Variants in SLC9B1 observed in about 807,000 individuals in gnomAD.
SLC9B1 encodes solute carrier family 9 member B1, also known as sodium/hydrogen exchanger 9B1.
In SLC9B1, 32 loss-of-function variants were observed where a neutral mutation model predicts 51.7. The ratio of observed to expected loss-of-function variants is 0.62; its 90% CI spans 0.47 to 0.83. The LOEUF (loss-of-function observed/expected upper bound fraction) is 0.83. SLC9B1 is among the 40% of genes least tolerant of loss of function. The pLI, the probability that SLC9B1 is intolerant of heterozygous loss-of-function variation, is 0.00. For missense variants in SLC9B1, 406 were observed against 613.2 expected (o/e 0.66, Z 3.57); for synonymous variants, 145 against 212.7 (o/e 0.68, Z 2.77).
intron 3 of SLC9B1, among the ~76,000 whole-genome samples, chr4:102,950,285 T>G (rs915554919): frequency 5.3e-5 from 8 of 152,122 alleles, no homozygotes; most frequent in African/African-American, 1.9e-4. Flanking sequence ...AACCTAGATT[T>G]TGTGGGAATA....
At chr4:102,954,067 C>T (rs1233736663) in intron 3 of SLC9B1, among the ~76,000 whole-genome samples, 6 of 45,180 alleles carry the variant, frequency 1.3e-4, no homozygotes, top group Admixed American at 2.9e-4. Flanking sequence ...AAAGGGAATG[C>T]TTCCAGTTTT....
intron 3 of SLC9B1, among the ~76,000 whole-genome samples, chr4:102,978,405 C>G (rs998118593): frequency 1.3e-5 from 2 of 152,080 alleles, no homozygotes; most frequent in Admixed American, 1.3e-4. Flanking sequence ...AAAATTTTTG[C>G]AATCTACTCA....
At position 102,989,914 on chromosome 4, in the gene SLC9B1, G is replaced by T; in HGVS notation, c.97C>A (p.Gln33Lys). Residue 33 changes from glutamine to lysine, a missense_variant, in exon 3 of 12, where the codon CAG becomes AAG. By Grantham distance (53) the Gln-to-Lys change is moderately conservative. Coordinates refer to ENST00000296422, the MANE Select transcript of SLC9B1 (RefSeq NM_139173.4). ...QSLIDPNNTA[Q>K]EETKTVLSDT... ...GATAAGACAGTTTTAGTTTCTTCCT[G>T]TGCAGTATTATTAGGATCAATGAGA... The T allele has an allele frequency of 6.3e-7, 1 of 1,585,374 alleles. No homozygotes were observed. The highest frequency in any genetic ancestry group is 8.6e-7 in the Non-Finnish European group (1 of 1,159,042).
At chr4:102,965,071 G>A (rs914776479) in intron 3 of SLC9B1, among the ~76,000 whole-genome samples, 2 of 152,116 alleles carry the variant, frequency 1.3e-5, no homozygotes, top group African/African-American at 4.8e-5. Flanking sequence ...TAGCAAGTTT[G>A]TAGAGTATAT....
intron 11 of SLC9B1, chr4:102,889,734 GC>G (rs961643299): frequency 1.3e-5 from 2 of 152,132 alleles, no homozygotes; most frequent in African/African-American, 4.8e-5. Context: ...TTGGTAGTAA[GC>G]TGTTGCTTTA....
intron 3 of SLC9B1, among the ~76,000 whole-genome samples, chr4:102,950,016 C>T (rs1045223193): frequency 4.0e-5 from 6 of 151,894 alleles, no homozygotes; most frequent in Non-Finnish European, 8.8e-5. Context: ...AAAATGCTAA[C>T]CATTATAATA....
At chr4:102,996,003 G>T (rs952498320) in intron 1 of SLC9B1, among the ~76,000 whole-genome samples, 2 of 152,040 alleles carry the variant, frequency 1.3e-5, no homozygotes, top group South Asian at 4.1e-4. Flanking sequence ...TTTCAATATG[G>T]TCATATAACT....
chr4:103,000,555 T>A (rs1384721501), intron 1 of SLC9B1, among the ~76,000 whole-genome samples: 2 of 152,230 alleles, frequency 1.3e-5, no homozygotes, highest in African/African-American at 4.8e-5. Flanking sequence ...CTGTTCTAGA[T>A]GGGAGAAATT....
intron 3 of SLC9B1, among the ~76,000 whole-genome samples, chr4:102,967,026 A>AT (rs1738465326): frequency 2.0e-5 from 3 of 152,112 alleles, no homozygotes; most frequent in Non-Finnish European, 2.9e-5. Context: ...ACACAGCCAA[A>AT]TTTTTGCTAT....
chr4:102,989,613 TTG>T (rs1482067248), intron 3 of SLC9B1, among the ~76,000 whole-genome samples, 185 bp downstream of exon 3: 2 of 151,966 alleles, frequency 1.3e-5, no homozygotes, highest in African/African-American at 2.4e-5. Context: ...AGGCAATATT[TTG>T]TTTTTGTTTT....
chr4:102,910,057 T>C (rs1168271697), intron 9 of SLC9B1, among the ~76,000 whole-genome samples: 7 of 152,130 alleles, frequency 4.6e-5, no homozygotes, highest in Non-Finnish European at 1.0e-4. Flanking sequence ...CCACGCGATC[T>C]GTCCGCCTCC....
chr4:103,004,827 A>G (rs1316891624), intron 1 of SLC9B1, among the ~76,000 whole-genome samples: 1 of 152,204 alleles, frequency 6.6e-6, no homozygotes, highest in African/African-American at 2.4e-5. Context: ...TTTCTTATCT[A>G]GTTAAAAGAG....
Position 102,920,556 on chromosome 4 carries a change from G to C in SLC9B1, c.830-9019C>G, listed in dbSNP as rs373368852. 7.9e-5 allele frequency among the ~76,000 whole-genome samples: 12 copies of C among 152,354 alleles called. No homozygotes were observed. In the South Asian group the frequency reaches 2.3e-3, roughly 29 times the overall value. On this transcript the variant is annotated intron_variant, in intron 7 of 11. Coordinates refer to ENST00000296422, the MANE Select transcript of SLC9B1 (RefSeq NM_139173.4). ...AATGGAACAAAGCTGGATGGAGAAT[G>C]ACTTTGACGAGTTGACAGAAGTAGG...
intron 7 of SLC9B1, 25 bp downstream of exon 7, chr4:102,932,099 G>C: frequency 1.2e-6 from 2 of 1,608,826 alleles, no homozygotes; most frequent in African/African-American, 2.7e-5. Context: ...GAATGATCTA[G>C]TGGTTGTTAT....
intron 3 of SLC9B1, among the ~76,000 whole-genome samples, chr4:102,969,524 T>TG (rs1338056001): frequency 2.0e-5 from 3 of 151,984 alleles, no homozygotes; most frequent in South Asian, 2.1e-4. Flanking sequence ...ACCACAAAGA[T>TG]GGGGGGAAAC....
rs531633193 is a variant in SLC9B1, at chr4:102,943,779, A to C, written c.653+1414T>G. On this transcript the variant is annotated intron_variant, in intron 6 of 11. Coordinates refer to ENST00000296422, the MANE Select transcript of SLC9B1 (RefSeq NM_139173.4). ...AGGAGGGTGAGCGATAAAAGACTAC[A>C]CCTTGGGTGCAGTGTACACTGCTCT... Among the ~76,000 whole-genome samples the C allele has an allele frequency of 2.6e-5, 4 of 152,146 alleles. No homozygotes were observed. The East Asian group carries it at 7.7e-4, about 29-fold the overall frequency.
At chr4:103,013,656 A>C (rs1418461874) in intron 1 of SLC9B1, among the ~76,000 whole-genome samples, 1 of 152,234 alleles carries the variant, frequency 6.6e-6, no homozygotes, top group Non-Finnish European at 1.5e-5. Flanking sequence ...TAGTATATGC[A>C]CAAACTCAAG....
intron 7 of SLC9B1, among the ~76,000 whole-genome samples, chr4:102,918,892 A>G (rs550752197): frequency 6.6e-6 from 1 of 150,620 alleles, no homozygotes; most frequent in African/African-American, 2.5e-5. Flanking sequence ...CATTTTTTCC[A>G]AAAAAAAATA....
At chr4:102,984,220 A>G (rs943649219) in intron 3 of SLC9B1, among the ~76,000 whole-genome samples, 1 of 152,018 alleles carries the variant, frequency 6.6e-6, no homozygotes, top group Non-Finnish European at 1.5e-5. Flanking sequence ...GGGGTAAGCA[A>G]TCTTCCCACC....
Sources: allele counts gnomAD v4.1 joint callset (sites outside exome capture counted in the v4.1 genomes callset), GRCh38; gene constraint gnomAD v4.1.1; transcripts MANE v1.5; gene names NCBI Gene and HGNC (gene_info 2026-07-23, HGNC 2026-07-21).